SLC4A4: variants seen among roughly 807,000 people sequenced by gnomAD.
The protein encoded by SLC4A4 is solute carrier family 4 member 4, also known as electrogenic sodium bicarbonate cotransporter 1.
A neutral mutation model predicts 111.5 loss-of-function variants in SLC4A4; 27 were observed. The ratio of observed to expected loss-of-function variants is 0.24; its 90% CI spans 0.18 to 0.33. The LOEUF (loss-of-function observed/expected upper bound fraction) is 0.33, where lower values mean the gene tolerates loss of function less well. SLC4A4 is among the 10% of genes least tolerant of loss of function. The pLI is 1.00. For missense variants in SLC4A4, 909 were observed against 1,315.5 expected (o/e 0.69, Z 4.78); for synonymous variants, 443 against 463.4 (o/e 0.96, Z 0.57).
chr4:71,217,486 C>T (rs1428409631), intron 1 of SLC4A4, among the ~76,000 whole-genome samples: 1 of 152,144 alleles, frequency 6.6e-6, no homozygotes, highest in Non-Finnish European at 1.5e-5. Context: ...TTGCTTGAAC[C>T]TGGGAGGTGG....
chr4:71,397,705 AG>A, intron 7 of SLC4A4, 52 bp downstream of exon 7: 1 of 1,473,168 alleles, frequency 6.8e-7, no homozygotes. Flanking sequence ...TATATCTAAA[AG>A]ATGCTGAGAA....
In SLC4A4 at chr4:71,249,469, T is replaced by C. The variant is rs1241797753; in HGVS notation, c.74-5751T>C. Among the ~76,000 whole-genome samples, 5 of 152,186 alleles carry C rather than the reference T, an allele frequency of 3.3e-5. No homozygotes were observed. The South Asian group carries it at 1.0e-3, about 32-fold the overall frequency. On this transcript the variant is annotated intron_variant, in intron 2 of 25. Transcript: ENST00000264485. ...TAACTGCAAAATTATGCTGTGCTTTTTGAAGGGGGTTTTCTTCTCATGAGC... is the reference window on the plus strand; with the variant it reads ...TAACTGCAAAATTATGCTGTGCTTTCTGAAGGGGGTTTTCTTCTCATGAGC...
chr4:71,472,337 C>T (rs143569964), intron 13 of SLC4A4, among the ~76,000 whole-genome samples: 11 of 152,006 alleles, frequency 7.2e-5, no homozygotes, highest in Admixed American at 2.0e-4. Flanking sequence ...CCATAAAACT[C>T]ATACAAACGT....
At chr4:71,546,007 CTCTATGGAGTGGGCATATATATCT>C (rs1735488034) in intron 18 of SLC4A4, among the ~76,000 whole-genome samples, 1 of 152,038 alleles carries the variant, frequency 6.6e-6, no homozygotes, top group Non-Finnish European at 1.5e-5. Context: ...GTCTTAAGTC[CTCTATGGAGTGGGCATATATATCT>C]CCATTGTTCT....
intron 3 of SLC4A4, among the ~76,000 whole-genome samples, chr4:71,338,555 T>G (rs915015643): frequency 8.6e-5 from 13 of 151,524 alleles, no homozygotes; most frequent in East Asian, 3.9e-4. Context: ...TTTCGTCGTC[T>G]TCTTCTTCTT....
At chr4:71,236,241 T>TG in intron 1 of SLC4A4, 2 of 1,085,224 alleles carry the variant, frequency 1.8e-6, no homozygotes, top group Non-Finnish European at 2.2e-6. Context: ...GGTATTTTTT[T>TG]TTTTTTTTTG....
intron 3 of SLC4A4, among the ~76,000 whole-genome samples, chr4:71,297,505 GACAA>G (rs1462668975): frequency 5.2e-5 from 5 of 96,164 alleles, no homozygotes; most frequent in Admixed American, 1.1e-4. Context: ...CACACACACA[GACAA>G]ACACACACAC....
At position 71,172,138 on chromosome 4, in the gene SLC4A4, A is replaced by T. The variant is rs563108945; in HGVS notation, c.-1-64438A>T. On this transcript the variant is annotated intron_variant, in intron 2 of 26. Transcript: ENST00000649996. The stretch of plus-strand genomic sequence containing the variant: ...ACTTTCCTTGGATCAAAGTTACTTA[A>T]ACACTTAGATGAAAGCTTGAGAGGA... Among the ~76,000 whole-genome samples, 201 of 152,352 alleles carry T rather than the reference A, an allele frequency of 1.3e-3. 1 individual carries two copies. The Middle Eastern group carries it at 0.014, about 10-fold the overall frequency.
chr4:71,082,484 A>G (rs1488939433), intron 1 of SLC4A4, among the ~76,000 whole-genome samples: 5 of 151,934 alleles, frequency 3.3e-5, no homozygotes, highest in Non-Finnish European at 7.4e-5. Flanking sequence ...GGTGTTTATC[A>G]TTGGTTGGTG....
intron 1 of SLC4A4, among the ~76,000 whole-genome samples, chr4:71,073,039 T>C (rs2148930959): frequency 6.6e-6 from 1 of 152,244 alleles, no homozygotes; most frequent in South Asian, 2.1e-4. Flanking sequence ...AGTTCTGGGA[T>C]TACAGGTGTG....
At chr4:71,208,609 C>A (rs1026835467) in intron 1 of SLC4A4, among the ~76,000 whole-genome samples, 1 of 1,770 alleles carries the variant, frequency 5.6e-4, no homozygotes, top group South Asian at 0.045. Flanking sequence ...TAGAAGCAAG[C>A]CTTTTTTTTT....
chr4:71,142,761 C>CTTTTTTTTTTTTTTTTTTTT, intron 2 of SLC4A4, among the ~76,000 whole-genome samples: 1 of 78,040 alleles, frequency 1.3e-5, no homozygotes, highest in Non-Finnish European at 2.4e-5. Context: ...TTTTCTCACT[C>CTTTTTTTTTTTTTTTTTTTT]TTTTTTTTTT....
At chr4:71,517,999 A>G (rs999415233) in intron 16 of SLC4A4, among the ~76,000 whole-genome samples, 3 of 152,100 alleles carry the variant, frequency 2.0e-5, no homozygotes, top group African/African-American at 7.2e-5. Context: ...GTGGTCCAGG[A>G]GCCTTGGTTC....
intron 4 of SLC4A4, among the ~76,000 whole-genome samples, chr4:71,344,349 G>A (rs1170422382): frequency 1.3e-5 from 2 of 152,070 alleles, no homozygotes; most frequent in Admixed American, 1.3e-4. Context: ...TACTATCTGG[G>A]ACATACCCTG....
intron 6 of SLC4A4, among the ~76,000 whole-genome samples, chr4:71,392,309 G>A (rs1177444080): frequency 1.3e-5 from 2 of 152,130 alleles, no homozygotes; most frequent in Non-Finnish European, 2.9e-5. Flanking sequence ...TATGTGGCAA[G>A]GATGATAAGT....
intron 3 of SLC4A4, among the ~76,000 whole-genome samples, chr4:71,283,993 CT>C (rs1723722171): frequency 1.3e-5 from 2 of 152,166 alleles, no homozygotes; most frequent in Non-Finnish European, 2.9e-5. Context: ...ATTTTTCCCC[CT>C]TTGTCTTGAC....
At position 71,486,877 on chromosome 4, in the gene SLC4A4, A is replaced by G. The variant is rs557004639; in HGVS notation, c.1904-71A>G. 94,548 of 901,550 alleles carry G rather than the reference A, an allele frequency of 0.1. 5,998 individuals carry two copies. The highest frequency in any genetic ancestry group is 0.22 in the African/African-American group (13,007 of 59,028). The allele number at this position is 901,550 out of a possible 1,614,324, so 55.8% of individuals were successfully genotyped here. On this transcript the variant is annotated intron_variant, in intron 14 of 25. Coordinates refer to ENST00000264485, the MANE Select transcript of SLC4A4 (RefSeq NM_001098484.3). ...ACTGTATAACCCTGCTTTTAAAAAT[A>G]CCTAATTATGCATTTAAGGTCTTTT...
chr4:71,094,509 A>G (rs1742486474), intron 2 of SLC4A4, among the ~76,000 whole-genome samples: 1 of 152,240 alleles, frequency 6.6e-6, no homozygotes, highest in Admixed American at 6.5e-5. Context: ...GTAATATTTA[A>G]GGCTGCAGTA....
chr4:71,210,730 G>A (rs1718083609), intron 1 of SLC4A4, among the ~76,000 whole-genome samples: 1 of 152,132 alleles, frequency 6.6e-6, no homozygotes, highest in African/African-American at 2.4e-5. Context: ...TATATTTGTT[G>A]GAGGTTGAAG....
Sources: allele counts gnomAD v4.1 joint callset (sites outside exome capture counted in the v4.1 genomes callset), GRCh38; gene constraint gnomAD v4.1.1; transcripts MANE v1.5; gene names NCBI Gene and HGNC (gene_info 2026-07-23, HGNC 2026-07-21).